The following RGS6 variants were observed in gnomAD, a reference collection of about 807,000 sequenced individuals.
The protein encoded by RGS6 is regulator of G protein signaling 6.
In RGS6, 30 loss-of-function variants were observed where a neutral mutation model predicts 78.5. The ratio of observed to expected loss-of-function variants is 0.38; its 90% CI spans 0.29 to 0.52. The LOEUF (loss-of-function observed/expected upper bound fraction) is 0.52, where lower values mean the gene tolerates loss of function less well. Ranked by LOEUF, RGS6 falls within the 20% of genes least tolerant of loss-of-function variation. The pLI is 0.85. For missense variants in RGS6, 495 were observed against 609.7 expected (o/e 0.81, Z 1.98); for synonymous variants, 206 against 206.0 (o/e 1.00, Z 0.00).
intron 8 of RGS6, among the ~76,000 whole-genome samples, chr14:72,471,715 G>C (rs2096080676): frequency 6.6e-6 from 1 of 152,164 alleles, no homozygotes; most frequent in Non-Finnish European, 1.5e-5. Context: ...GCCACCTCCT[G>C]ACCACCCAGC....
intron 2 of RGS6, among the ~76,000 whole-genome samples, chr14:72,195,458 G>C (rs1395035779): frequency 6.6e-6 from 1 of 152,164 alleles, no homozygotes; most frequent in Non-Finnish European, 1.5e-5. Flanking sequence ...AGGTCTACAA[G>C]GATGAGAGTG....
Position 72,472,967 on chromosome 14 carries a change from A to G in RGS6, c.618+14A>G, listed in dbSNP as rs776121607. 1 of 1,562,948 alleles carries G rather than the reference A, an allele frequency of 6.4e-7. No individual in the cohort carries two copies. The highest frequency in any genetic ancestry group is 8.6e-7 in the Non-Finnish European group (1 of 1,157,362). ...CACAGGCCTGTGGTGAGAAAGCGCT[A>G]CTCAATTCTCTAGATTTTTTTTTCT... On this transcript the variant is annotated intron_variant, in intron 9 of 17. Transcript: ENST00000553525.
the RGS6 span, among the ~76,000 whole-genome samples, chr14:71,888,880 A>G: frequency 6.6e-6 from 1 of 152,152 alleles, no homozygotes; most frequent in Admixed American, 6.5e-5. Context: ...ATCATTGAAA[A>G]CTACAATAAA....
chr14:72,090,517 C>T (rs2095232560), intron 2 of RGS6, among the ~76,000 whole-genome samples: 1 of 152,168 alleles, frequency 6.6e-6, no homozygotes, highest in South Asian at 2.1e-4. Flanking sequence ...CCCATCACCC[C>T]CAGAAATAAA....
At chr14:72,136,896 T>A (rs1012168437) in intron 2 of RGS6, among the ~76,000 whole-genome samples, 4 of 152,184 alleles carry the variant, frequency 2.6e-5, no homozygotes, top group African/African-American at 9.7e-5. Flanking sequence ...TATTTTCTTG[T>A]ATGCTAATTT....
intron 2 of RGS6, among the ~76,000 whole-genome samples, chr14:72,233,130 C>A (rs910085182): frequency 2.0e-5 from 3 of 152,180 alleles, no homozygotes; most frequent in Non-Finnish European, 4.4e-5. Context: ...GGTCCTTGTT[C>A]ATCCTAGTCA....
intron 1 of RGS6, among the ~76,000 whole-genome samples, chr14:71,955,932 G>T (rs952316912): frequency 6.6e-6 from 1 of 152,150 alleles, no homozygotes; most frequent in Non-Finnish European, 1.5e-5. Context: ...GAACATGGTG[G>T]CTTCAGTGAG....
intron 3 of RGS6, among the ~76,000 whole-genome samples, chr14:72,374,826 T>C (rs769226081): frequency 1.3e-5 from 2 of 152,218 alleles, no homozygotes; most frequent in African/African-American, 4.8e-5. Context: ...CAGTTCCATA[T>C]GCTTAACATA....
rs372519743 is a variant in RGS6, at chr14:72,459,937, G to C, written c.394+254G>C. 1.7e-4 allele frequency among the ~76,000 whole-genome samples: 26 copies of C among 152,316 alleles called. 2 individuals are homozygous for C. In the South Asian group the frequency reaches 5.4e-3, roughly 32 times the overall value. On this transcript the variant is annotated intron_variant, in intron 6 of 17. Transcript: ENST00000553525. ...AGAAAAATCTTATCAAGGGTGGTCAGTATGTTCATCTTGGGGCCATGGAGA... is the reference window on the plus strand; with the variant it reads ...AGAAAAATCTTATCAAGGGTGGTCACTATGTTCATCTTGGGGCCATGGAGA...
chr14:72,492,169 A>G (rs1162733117), intron 12 of RGS6, among the ~76,000 whole-genome samples: 1 of 152,214 alleles, frequency 6.6e-6, no homozygotes, highest in Non-Finnish European at 1.5e-5. Flanking sequence ...AACAAGAGAA[A>G]AGCATAAATG....
intron 2 of RGS6, among the ~76,000 whole-genome samples, chr14:72,338,230 T>G (rs2076387515): frequency 6.6e-6 from 1 of 152,192 alleles, no homozygotes; most frequent in African/African-American, 2.4e-5. Context: ...TACCCAAGAC[T>G]GGGTAATTTA....
chr14:71,935,819 T>A (rs1056986833), intron 1 of RGS6, among the ~76,000 whole-genome samples: 84 of 151,948 alleles, frequency 5.5e-4, no homozygotes, highest in African/African-American at 1.8e-3. Context: ...ATGAGAATGA[T>A]CTTTGAAGAG....
At chr14:71,885,950 T>A in the RGS6 span, among the ~76,000 whole-genome samples, 1 of 151,614 alleles carries the variant, frequency 6.6e-6, no homozygotes, top group Non-Finnish European at 1.5e-5. Flanking sequence ...TTCTCTTTTT[T>A]CTCTTTCTTT....
At chr14:71,956,209 T>C (rs1336906170) in intron 1 of RGS6, among the ~76,000 whole-genome samples, 1 of 152,050 alleles carries the variant, frequency 6.6e-6, no homozygotes, top group African/African-American at 2.4e-5. Context: ...AAAGTGTTCA[T>C]CTGTTTGGAT....
chr14:72,116,340 G>A (rs2095883806), intron 2 of RGS6, among the ~76,000 whole-genome samples: 1 of 152,042 alleles, frequency 6.6e-6, no homozygotes. Flanking sequence ...ACAGTTAATG[G>A]TACAGTGTCA....
chr14:72,409,729 A>G lies in RGS6; in HGVS notation c.185-44799A>G, dbSNP rs58388333. Among the ~76,000 whole-genome samples, 1,195 of 151,760 alleles carry G rather than the reference A, an allele frequency of 7.9e-3. 41 individuals carry two copies. Among genetic ancestry groups the G allele is most frequent in the East Asian group, 0.052 (268 of 5,160 alleles). ...CCCTCCCCTCTCCCCCAACCCCACA[A>G]CAGTCCTCGGTGTGTGATGTTCCCC... On this transcript the variant is annotated intron_variant, in intron 3 of 17. Transcript: ENST00000553525.
intron 7 of RGS6, among the ~76,000 whole-genome samples, chr14:72,466,523 A>G (rs1281992523): frequency 6.6e-6 from 1 of 152,262 alleles, no homozygotes; most frequent in Non-Finnish European, 1.5e-5. Flanking sequence ...TAACTGTGGT[A>G]CATCCATACA....
intron 3 of RGS6, 109 bp downstream of exon 3, chr14:72,352,303 A>T (rs1265843614): frequency 3.2e-5 from 23 of 710,184 alleles, no homozygotes; most frequent in Non-Finnish European, 4.7e-5. Flanking sequence ...TAAAAATGAA[A>T]CATTCAGTGT....
chr14:72,555,199 G>A (rs2097555673), intron 17 of RGS6, among the ~76,000 whole-genome samples: 1 of 152,162 alleles, frequency 6.6e-6, no homozygotes, highest in Non-Finnish European at 1.5e-5. Flanking sequence ...TCCTCCCTGG[G>A]GCATTTGCCA....
Sources: gnomAD v4.1 joint callset for allele counts (sites outside exome capture counted in the v4.1 genomes callset) on GRCh38, gnomAD v4.1.1 for gene constraint, MANE v1.5 for transcripts, NCBI Gene and HGNC (gene_info 2026-07-23, HGNC 2026-07-21) for gene names.